The following MTRR variants were observed in gnomAD, a reference collection of about 807,000 sequenced individuals.
MTRR encodes 5-methyltetrahydrofolate-homocysteine methyltransferase reductase.
In MTRR, 63 loss-of-function variants were observed where a neutral mutation model predicts 79.2. The observed-to-expected ratio is 0.80, with a 90% CI of 0.65 to 0.98. MTRR has a LOEUF of 0.98. MTRR is among the 50% of genes least tolerant of loss of function. The pLI, the probability that MTRR is intolerant of heterozygous loss-of-function variation, is 0.00. For synonymous variants in MTRR, 355 were observed against 313.3 expected (o/e 1.13, Z -1.41); for missense variants, 895 against 839.6 (o/e 1.07, Z -0.82).
Position 7,869,178 on chromosome 5 carries a change from C to T in MTRR, c.-63C>T, listed in dbSNP as rs372674593. ...GCGCTGGCGCAAGGTTGGTGGAAGT[C>T]GCGTTGTGCAGGTTCGTGCCCGGCT... On this transcript the variant is annotated 5_prime_UTR_variant, in exon 1 of 15. Coordinates refer to ENST00000440940, the MANE Select transcript of MTRR (RefSeq NM_002454.3). 6.2e-6 allele frequency: 10 copies of T among 1,611,742 alleles called. No individual in the cohort carries two copies. The highest frequency in any genetic ancestry group is 2.2e-5 in the East Asian group (1 of 44,872).
chr5:7,895,664 A>G, intron 11 of MTRR, 70 bp from the exon 12 acceptor site: 1 of 1,584,076 alleles, frequency 6.3e-7, no homozygotes, highest in South Asian at 1.1e-5. Context: ...TGTTTAGCAA[A>G]GATCATCTTG....
chr5:7,875,350 A>T lies in MTRR; in HGVS notation c.376A>T (p.Thr126Ser). ...GCTTGGAGCCCGGCATTTCTATGAC[A>T]CTGGACATGCAGATGACTGTGTAGG... ...QELGARHFYD[T>S]GHADDCVGLE... is the part of the protein sequence containing the mutation. Residue 126 changes from threonine (T) to serine (S), a missense_variant, in exon 4 of 15, where the codon ACT becomes TCT. Physicochemically the swap from Thr to Ser is moderately conservative, Grantham distance 58 (BLOSUM62 1). Coordinates refer to ENST00000440940, the MANE Select transcript of MTRR (RefSeq NM_002454.3). 1.9e-6 allele frequency: 3 copies of T among 1,613,148 alleles called. No homozygotes were observed. The highest frequency in any genetic ancestry group is 2.5e-6 in the Non-Finnish European group (3 of 1,179,070).
Position 7,886,648 on chromosome 5 carries a change from G to T in MTRR, c.1091G>T (p.Cys364Phe), listed in dbSNP as rs1208011938. The change falls in exon 8 of 15, where the codon TGT (cysteine) becomes TTT (phenylalanine). Residue 364 changes from cysteine (C) to phenylalanine (F), a missense_variant. Cys to Phe is a radical substitution (Grantham distance 205). Transcript: ENST00000440940. ...TTACCCCAGCATATACCTGCGGGAT[G>T]TTCTCTCCAGTTCATTTTTACCTGG... ...ATLPQHIPAG[C>F]SLQFIFTWCL... The T allele has an allele frequency of 6.2e-7, 1 of 1,610,076 alleles. No homozygotes were observed. Among genetic ancestry groups the T allele is most frequent in the South Asian group, 1.1e-5 (1 of 91,000 alleles).
chr5:7,866,961 T>A, upstream of MTRR: 3 of 1,614,192 alleles, frequency 1.9e-6, no homozygotes, highest in Non-Finnish European at 2.5e-6. Context: ...CAGTACTCCA[T>A]GACCCTGCAG....
upstream of MTRR, among the ~76,000 whole-genome samples, chr5:7,865,430 T>G (rs1746874194): frequency 6.6e-6 from 1 of 152,176 alleles, no homozygotes; most frequent in Non-Finnish European, 1.5e-5. Flanking sequence ...GGATAAATCT[T>G]TATAGGTCTT....
chr5:7,861,684 G>A (rs1385294092), intron 1 of MTRR: 6 of 1,595,850 alleles, frequency 3.8e-6, no homozygotes, highest in Admixed American at 1.7e-5. Context: ...AATTCCTCGT[G>A]TGATACCCTC....
intron 1 of MTRR, among the ~76,000 whole-genome samples, chr5:7,853,981 A>G (rs1340875821): frequency 1.3e-5 from 2 of 152,206 alleles, no homozygotes; most frequent in African/African-American, 4.8e-5. Flanking sequence ...AGGGCAGGTT[A>G]CCAGAGACAG....
chr5:7,883,003 C>A (rs1390648502), intron 5 of MTRR, 152 bp from the exon 6 acceptor site: 8 of 893,498 alleles, frequency 9.0e-6, no homozygotes, highest in Non-Finnish European at 1.4e-5. Flanking sequence ...GAAAAGCTAG[C>A]TCCATATATC....
chr5:7,875,520 G>C (rs1561169852), intron 4 of MTRR, 145 bp downstream of exon 4: 1 of 792,580 alleles, frequency 1.3e-6, no homozygotes, highest in Non-Finnish European at 2.2e-6. Context: ...GGATCCAAGA[G>C]GGTCAGCCAG....
chr5:7,895,271 A>G (rs531561644), intron 11 of MTRR, among the ~76,000 whole-genome samples: 8 of 152,322 alleles, frequency 5.3e-5, no homozygotes, highest in Admixed American at 4.6e-4. Flanking sequence ...CAAATACAGC[A>G]CCATTATCTG....
chr5:7,865,421 G>A (rs1746873566), upstream of MTRR, among the ~76,000 whole-genome samples: 1 of 152,126 alleles, frequency 6.6e-6, no homozygotes, highest in Admixed American at 6.5e-5. Flanking sequence ...TAGGTAATAG[G>A]ATAAATCTTT....
intron 1 of MTRR, among the ~76,000 whole-genome samples, chr5:7,852,271 T>A (rs1746098471): frequency 1.3e-5 from 2 of 152,196 alleles, no homozygotes; most frequent in Non-Finnish European, 2.9e-5. Context: ...TTAAGATGCC[T>A]CTCTCATTCT....
intron 8 of MTRR, 85 bp from the exon 9 acceptor site, chr5:7,889,010 C>T: frequency 6.7e-7 from 1 of 1,495,406 alleles, no homozygotes; most frequent in South Asian, 1.1e-5. Flanking sequence ...TAATTGGGTG[C>T]ATCCCTAGGC....
chr5:7,899,329 T>C (rs1329804197), intron 14 of MTRR, among the ~76,000 whole-genome samples: 1 of 152,148 alleles, frequency 6.6e-6, no homozygotes, highest in Non-Finnish European at 1.5e-5. Flanking sequence ...AAGCTACATA[T>C]AAACAGACGT....
chr5:7,868,926 G>A (rs1329617045), upstream of MTRR: 6 of 647,044 alleles, frequency 9.3e-6, no homozygotes, highest in East Asian at 1.4e-4. Context: ...AGCCGGCCAG[G>A]TCTTTGACAC....
intron 8 of MTRR, among the ~76,000 whole-genome samples, chr5:7,888,563 CAG>C (rs1282830877): frequency 1.3e-5 from 2 of 151,926 alleles, no homozygotes; most frequent in African/African-American, 4.8e-5. Flanking sequence ...GTATTTTAGA[CAG>C]AGATTCTTCA....
At chr5:7,873,333 T>C (rs764044478) in intron 2 of MTRR, 40 bp from the exon 3 acceptor site, 4 of 1,611,766 alleles carry the variant, frequency 2.5e-6, no homozygotes, top group Non-Finnish European at 2.5e-6. Flanking sequence ...CAAAAATGCA[T>C]GTAGTGTTAG....
At chr5:7,875,225 A>G (rs1158320083) in intron 3 of MTRR, 33 bp from the exon 4 acceptor site, 2 of 1,391,972 alleles carry the variant, frequency 1.4e-6, no homozygotes, top group Non-Finnish European at 2.0e-6. Flanking sequence ...TTTAAACTTT[A>G]TTGTGCATTA....
intron 1 of MTRR, among the ~76,000 whole-genome samples, chr5:7,860,932 A>G (rs940587672): frequency 6.6e-6 from 1 of 152,344 alleles, no homozygotes; most frequent in East Asian, 1.9e-4. Flanking sequence ...TAACCAGTCA[A>G]GTAGATTCTT....
Sources: allele counts gnomAD v4.1 joint callset (sites outside exome capture counted in the v4.1 genomes callset), GRCh38; gene constraint gnomAD v4.1.1; transcripts MANE v1.5; gene names NCBI Gene and HGNC (gene_info 2026-07-23, HGNC 2026-07-21).